The following AHCYL2 variants were observed in gnomAD, a reference collection of about 807,000 sequenced individuals.
AHCYL2 encodes the protein adenosylhomocysteinase like 2.
In AHCYL2, 28 loss-of-function variants were observed where a neutral mutation model predicts 81.4. The observed-to-expected ratio is 0.34, with a 90% CI of 0.25 to 0.47. The LOEUF is 0.47. Among genes scored for constraint, AHCYL2 ranks in the 20% least tolerant of loss-of-function variants. The pLI, the probability that AHCYL2 is intolerant of heterozygous loss-of-function variation, is 1.00. For missense variants in AHCYL2, 551 were observed against 785.1 expected, an observed-to-expected ratio of 0.70 and a Z score of 3.56; for synonymous variants, 272 against 290.2, an observed-to-expected ratio of 0.94 and a Z score of 0.64.
chr7:129,424,577 A>G (rs2150970029), intron 13 of AHCYL2: 1 of 445,204 alleles, frequency 2.2e-6, no homozygotes, highest in South Asian at 2.6e-5. Context: ...GAGAGTGGAA[A>G]ATTCAAGAGA....
intron 1 of AHCYL2, among the ~76,000 whole-genome samples, chr7:129,359,604 G>T (rs1793861473): frequency 6.6e-6 from 1 of 152,228 alleles, no homozygotes; most frequent in Non-Finnish European, 1.5e-5. Flanking sequence ...CTCCAGCTCA[G>T]TGATAAAACT....
At chr7:129,232,037 A>AT (rs1794463063) in intron 1 of AHCYL2, among the ~76,000 whole-genome samples, 2 of 151,844 alleles carry the variant, frequency 1.3e-5, no homozygotes. Flanking sequence ...TGAACTGCTG[A>AT]TTGAGTTTCT....
intron 1 of AHCYL2, among the ~76,000 whole-genome samples, chr7:129,257,883 T>C (rs1224765141): frequency 6.6e-6 from 1 of 152,212 alleles, no homozygotes; most frequent in Admixed American, 6.5e-5. Flanking sequence ...ATAGCATTTA[T>C]ATACATTTTA....
chr7:129,352,081 C>G (rs1283977477), intron 1 of AHCYL2, among the ~76,000 whole-genome samples: 1 of 151,802 alleles, frequency 6.6e-6, no homozygotes, highest in African/African-American at 2.4e-5. Flanking sequence ...ACATAAAGTA[C>G]TTCGGCTGCA....
intron 1 of AHCYL2, among the ~76,000 whole-genome samples, chr7:129,279,313 C>G (rs1430199481): frequency 1.3e-5 from 2 of 151,652 alleles, no homozygotes; most frequent in Admixed American, 6.6e-5. Flanking sequence ...CAAGACCTGG[C>G]TAATTTTTGT....
intron 1 of AHCYL2, among the ~76,000 whole-genome samples, chr7:129,238,013 C>T (rs535653557): frequency 3.9e-4 from 60 of 152,274 alleles, no homozygotes; most frequent in African/African-American, 1.4e-3. Context: ...AGCCACCACA[C>T]CTGGCCAATT....
chr7:129,264,960 C>T (rs4731568), intron 1 of AHCYL2, among the ~76,000 whole-genome samples: 39,111 of 152,106 alleles, frequency 0.26, 6,285 homozygotes, highest in East Asian at 0.56. Flanking sequence ...AAATCAGCTT[C>T]GTTTCACATT....
At chr7:129,370,434 C>G (rs541751126) in intron 1 of AHCYL2, among the ~76,000 whole-genome samples, 1 of 152,136 alleles carries the variant, frequency 6.6e-6, no homozygotes, top group African/African-American at 2.4e-5. Flanking sequence ...CGGTGGCTCA[C>G]GCCTGTAATC....
chr7:129,387,863 C>T (rs1795271975), intron 2 of AHCYL2, among the ~76,000 whole-genome samples: 1 of 152,146 alleles, frequency 6.6e-6, no homozygotes, highest in Non-Finnish European at 1.5e-5. Context: ...CCTGTTGCCT[C>T]GTGTTAGGAC....
intron 6 of AHCYL2, among the ~76,000 whole-genome samples, chr7:129,402,640 A>G (rs1024861294): frequency 7.2e-5 from 11 of 152,222 alleles, no homozygotes; most frequent in African/African-American, 2.7e-4. Flanking sequence ...TCTGCTGATG[A>G]AAGCTCCAGT....
chr7:129,281,126 G>A (rs1796428443), intron 1 of AHCYL2, among the ~76,000 whole-genome samples: 3 of 152,100 alleles, frequency 2.0e-5, no homozygotes, highest in Admixed American at 2.0e-4. Context: ...GCCTCCCAAA[G>A]TGCTGGGATT....
chr7:129,409,434 A>G (rs1796458290), intron 10 of AHCYL2, 42 bp from the exon 11 acceptor site: 5 of 1,549,290 alleles, frequency 3.2e-6, no homozygotes, highest in Non-Finnish European at 4.4e-6. Context: ...AAGGCTCCCC[A>G]GCTGCCTGTT....
At chr7:129,349,295 T>C (rs945284747) in intron 1 of AHCYL2, among the ~76,000 whole-genome samples, 1 of 151,868 alleles carries the variant, frequency 6.6e-6, no homozygotes, top group Non-Finnish European at 1.5e-5. Context: ...GAGACCTAAA[T>C]CTTGACTGAG....
chr7:129,279,640 A>G (rs1313686798), intron 1 of AHCYL2, among the ~76,000 whole-genome samples: 1 of 152,224 alleles, frequency 6.6e-6, no homozygotes, highest in Non-Finnish European at 1.5e-5. Flanking sequence ...CTTCATAAGC[A>G]GAGCAGCCCT....
intron 1 of AHCYL2, among the ~76,000 whole-genome samples, chr7:129,282,694 G>A (rs1163469607): frequency 6.6e-6 from 1 of 151,678 alleles, no homozygotes; most frequent in Non-Finnish European, 1.5e-5. Flanking sequence ...TTCTTCATGG[G>A]TCATATTTTC....
At chr7:129,301,446 TC>T (rs1340409080) in intron 1 of AHCYL2, among the ~76,000 whole-genome samples, 1 of 152,238 alleles carries the variant, frequency 6.6e-6, no homozygotes, top group African/African-American at 2.4e-5. Context: ...CACTCCAATG[TC>T]CTGGAGAGTT....
intron 1 of AHCYL2, among the ~76,000 whole-genome samples, chr7:129,226,277 G>A (rs1285835618): frequency 6.6e-6 from 1 of 152,190 alleles, no homozygotes; most frequent in Non-Finnish European, 1.5e-5. Context: ...ATACCAAGAA[G>A]TAACTGCCTA....
intron 1 of AHCYL2, among the ~76,000 whole-genome samples, chr7:129,364,232 GA>G (rs1376519487): frequency 6.6e-6 from 1 of 151,998 alleles, no homozygotes; most frequent in Non-Finnish European, 1.5e-5. Flanking sequence ...TCTTAGGTTA[GA>G]ATAGAATAGA....
At chr7:129,332,408 C>T (rs886911805) in intron 1 of AHCYL2, among the ~76,000 whole-genome samples, 1 of 152,170 alleles carries the variant, frequency 6.6e-6, no homozygotes, top group African/African-American at 2.4e-5. Context: ...CCTCTTGGCA[C>T]TAGTTTATAA....
Sources: gnomAD v4.1 joint callset for allele counts (sites outside exome capture counted in the v4.1 genomes callset) on GRCh38, gnomAD v4.1.1 for gene constraint, MANE v1.5 for transcripts, NCBI Gene and HGNC (gene_info 2026-07-23, HGNC 2026-07-21) for gene names.